Variants in SLC6A18 observed in about 807,000 individuals in gnomAD.
The protein encoded by SLC6A18 is solute carrier family 6 member 18, also known as inactive sodium-dependent neutral amino acid transporter B(0)AT3.
SLC6A18 carries 58 observed loss-of-function variants against 62.9 expected under a neutral mutation model. That is an observed-to-expected ratio of 0.92 (90% confidence interval 0.75 to 1.15). The LOEUF (loss-of-function observed/expected upper bound fraction) is 1.15. Ranked by LOEUF, SLC6A18 falls within the 50% of genes most tolerant of loss-of-function variation. SLC6A18 has a pLI of 0.00. For synonymous variants in SLC6A18, 382 were observed against 365.8 expected (o/e 1.04, Z -0.51); for missense variants, 793 against 836.6 (o/e 0.95, Z 0.64).
intron 3 of SLC6A18, among the ~76,000 whole-genome samples, chr5:1,235,216 C>A (rs1300625509): frequency 6.6e-6 from 1 of 152,204 alleles, no homozygotes; most frequent in East Asian, 1.9e-4. Flanking sequence ...GTGACAGTGA[C>A]GTCCAAGGGG....
Position 1,238,042 on chromosome 5 carries a change from C to G in SLC6A18, c.714C>G (p.Ile238Met), listed in dbSNP as rs1746930287. ...TGCCAGGGGCAACAAAAGGACTCATCTACTTGTTCACTCCCAACGTAAGTG... is the reference window on the plus strand; with the variant it reads ...TGCCAGGGGCAACAAAAGGACTCATGTACTTGTTCACTCCCAACGTAAGTG... ...LTLPGATKGL[I>M]YLFTPNMHIL... Residue 238 changes from isoleucine to methionine, a missense_variant, in exon 5 of 12, where the codon ATC (isoleucine) becomes ATG (methionine). By Grantham distance (10) the Ile-to-Met change is conservative (BLOSUM62 1). Coordinates refer to ENST00000324642, the MANE Select transcript of SLC6A18 (RefSeq NM_182632.3). 6.2e-7 allele frequency: 1 copy of G among 1,613,936 alleles called. No individual in the cohort carries two copies. The highest frequency in any genetic ancestry group is 1.3e-5 in the African/African-American group (1 of 74,946).
chr5:1,233,867 A>G (rs192530893), intron 3 of SLC6A18, among the ~76,000 whole-genome samples: 9,520 of 151,578 alleles, frequency 0.063, 391 homozygotes, highest in South Asian at 0.1. Flanking sequence ...TCAGCCTCCC[A>G]AATAGCTAGG....
intron 5 of SLC6A18, 43 bp downstream of exon 5, chr5:1,238,103 C>T (rs755474675): frequency 6.8e-7 from 1 of 1,461,406 alleles, no homozygotes; most frequent in Admixed American, 1.7e-5. Context: ...CCAGCACACA[C>T]ATTTCAGGGC....
intron 4 of SLC6A18, among the ~76,000 whole-genome samples, 166 bp from the exon 5 acceptor site, chr5:1,237,784 C>A (rs1250911850): frequency 6.6e-6 from 1 of 152,164 alleles, no homozygotes; most frequent in African/African-American, 2.4e-5. Context: ...CCTGAGCCTG[C>A]ACCCCACCAT....
chr5:1,243,834 C>A lies in SLC6A18; in HGVS notation c.1336+75C>A. On this transcript the variant is annotated intron_variant, in intron 9 of 11. Transcript: ENST00000324642. This position sits in a 1 kb window ranked among gnomAD's most constrained non-coding sequence, Gnocchi z 6.5. ...TGTCCACTCCCGCCCGCTGTCCAGACGCCCCTCCTGGATGGAGAGCGCAAG... is the reference window on the plus strand; with the variant it reads ...TGTCCACTCCCGCCCGCTGTCCAGAAGCCCCTCCTGGATGGAGAGCGCAAG... 1 of 1,390,094 alleles carries A rather than the reference C, an allele frequency of 7.2e-7. No individual in the cohort carries two copies. The highest frequency in any genetic ancestry group is 9.7e-7 in the Non-Finnish European group (1 of 1,032,700). The allele number at this position is 1,390,094 out of a possible 1,614,324, so 86.1% of individuals were successfully genotyped here. A position where few individuals can be genotyped will look rare whatever the true frequency, so the allele number is the denominator to read the frequency against.
chr5:1,245,585 C>T (rs1183024678), intron 11 of SLC6A18, among the ~76,000 whole-genome samples: 1 of 152,220 alleles, frequency 6.6e-6, no homozygotes, highest in African/African-American at 2.4e-5. Context: ...CATGTAGCCC[C>T]TCTGGTTCCA....
chr5:1,232,941 G>C (rs1746772895), intron 3 of SLC6A18, 53 bp downstream of exon 3: 10 of 1,551,554 alleles, frequency 6.4e-6, no homozygotes, highest in Admixed American at 1.9e-5. Flanking sequence ...AGAGAGGCAT[G>C]TGCTGCAGCG....
At chr5:1,227,808 A>C (rs138021984) in intron 1 of SLC6A18, among the ~76,000 whole-genome samples, 27 of 152,316 alleles carry the variant, frequency 1.8e-4, no homozygotes, top group African/African-American at 6.3e-4. Context: ...AAATCAAAGG[A>C]ACGTAGACTC....
chr5:1,232,752 G>T lies in SLC6A18; in HGVS notation c.303G>T (p.Gly101=), dbSNP rs759291311. 2 of 1,612,330 alleles carry T rather than the reference G, an allele frequency of 1.2e-6. No individual in the cohort carries two copies. The highest frequency in any genetic ancestry group is 1.7e-6 in the Non-Finnish European group (2 of 1,179,316). The part of the protein sequence containing the change: ...TAISPYLSGV[G]LGCVTLSFLI... ...ACCTGACATGGTCCCTGTCCACAGGGCTGGGCTGTGTCACGCTGTCCTTCC... is the reference window on the plus strand; with the variant it reads ...ACCTGACATGGTCCCTGTCCACAGGTCTGGGCTGTGTCACGCTGTCCTTCC... Residue 101 remains glycine (G), a splice_region_variant and synonymous_variant, in exon 3 of 12, where the codon GGG becomes GGT. Transcript: ENST00000324642.
At chr5:1,245,777 T>C (rs1747200262) in intron 11 of SLC6A18, 71 bp from the exon 12 acceptor site, 15 of 1,465,550 alleles carry the variant, frequency 1.0e-5, no homozygotes, top group South Asian at 7.9e-5. Context: ...GCCCCTTGGA[T>C]TGAGGAGCAC....
rs1213224420 is a variant in SLC6A18 at position 1,241,841 on chromosome 5, G to A, written c.975-866G>A. Among the ~76,000 whole-genome samples, 1 of 152,246 alleles carries A rather than the reference G, an allele frequency of 6.6e-6. No individual in the cohort carries two copies. The highest frequency in any genetic ancestry group is 1.5e-5 in the Non-Finnish European group (1 of 68,038). On this transcript the variant is annotated intron_variant, in intron 7 of 11. Transcript: ENST00000324642. This position sits in a 1 kb window ranked among gnomAD's most constrained non-coding sequence, Gnocchi z 7.8. ...GGTTACAAGCACATCTCAATGAGCA[G>A]GCGGATAAGGACCAGCCGTGCGCAC...
At chr5:1,238,379 G>A (rs1456992628) in intron 5 of SLC6A18, among the ~76,000 whole-genome samples, 2 of 37,010 alleles carry the variant, frequency 5.4e-5, no homozygotes, top group African/African-American at 4.1e-4. Flanking sequence ...GTGGGCCTGG[G>A]GCCTCAGGAA....
chr5:1,232,244 CG>C lies in SLC6A18; in HGVS notation c.187del (p.Ala63ArgfsTer38). 1 of 1,612,862 alleles carries C rather than the reference CG, an allele frequency of 6.2e-7. No individual in the cohort carries two copies. Among genetic ancestry groups the C allele is most frequent in the Non-Finnish European group, 8.5e-7 (1 of 1,179,810 alleles). On this transcript the variant is annotated frameshift_variant, in exon 2 of 12. Transcript: ENST00000324642. LOFTEE classifies it high-confidence loss of function. Reference protein sequence around the residue: ...GGAFLIPYVIALVFEGIPIFH... With the variant: ...GGAFLIPYVIXLVFEGIPIFH... ...GGGCCTTCCTCATCCCCTACGTCAT[CG>C]CGCTGGTCTTCGAGGGGATCCCCAT... is the stretch of plus-strand genomic sequence containing the variant.
chr5:1,240,416 G>A, intron 6 of SLC6A18, 115 bp from the exon 7 acceptor site: 1 of 1,485,896 alleles, frequency 6.7e-7, no homozygotes, highest in African/African-American at 1.4e-5. Context: ...GTCAGAGAAG[G>A]GGCATCCCAG....
rs1019268572 is a variant in SLC6A18, at chr5:1,232,691, T to C, written c.302-60T>C. 22 of 1,547,608 alleles carry C rather than the reference T, an allele frequency of 1.4e-5. No individual in the cohort carries two copies. In the African/African-American group the frequency reaches 1.9e-4, roughly 13 times the overall value. The stretch of plus-strand genomic sequence containing the variant: ...GTTATTTTGTTTTATTCTCACTGCT[T>C]CTGGGCAGAGGGAGCTGGGAAGGAG... On this transcript the variant is annotated intron_variant, in intron 2 of 11. Transcript: ENST00000324642.
rs201446388 is a variant in SLC6A18 at position 1,243,701 on chromosome 5, C to T, written c.1278C>T (p.Ile426=). Residue 426 remains isoleucine (I), a synonymous_variant, in exon 9 of 12, where the codon ATC becomes ATT. Transcript: ENST00000324642. This position sits in a 1 kb window ranked among gnomAD's most constrained non-coding sequence, Gnocchi z 6.5. ...STMFGTVEAV[I]TPLLDVGVLP... ...TGTTCGGGACCGTGGAGGCGGTCATCACACCCCTGCTGGACGTGGGGGTCC... is the reference window on the plus strand; with the variant it reads ...TGTTCGGGACCGTGGAGGCGGTCATTACACCCCTGCTGGACGTGGGGGTCC... The T allele has an allele frequency of 1.1e-5, 18 of 1,613,748 alleles. No homozygotes were observed. Among genetic ancestry groups the T allele is most frequent in the Non-Finnish European group, 1.5e-5 (18 of 1,179,936 alleles).
Position 1,235,682 on chromosome 5 carries a change from G to C in SLC6A18, c.621+20G>C. On this transcript the variant is annotated intron_variant, in intron 4 of 11. Transcript: ENST00000324642. ...GGGAAGGTGAGAGCTGGCAGGGCCT[G>C]ATCCCCTCTCTTGCTTCCTCCAGCC... The C allele has an allele frequency of 1.9e-6, 3 of 1,613,176 alleles. No individual in the cohort carries two copies. The highest frequency in any genetic ancestry group is 2.5e-6 in the Non-Finnish European group (3 of 1,179,624).
chr5:1,230,837 A>T (rs746998374), intron 1 of SLC6A18, among the ~76,000 whole-genome samples: 1 of 152,178 alleles, frequency 6.6e-6, no homozygotes, highest in African/African-American at 2.4e-5. Context: ...GCACCTGTGC[A>T]TGCAGGTGGG....
chr5:1,227,563 G>T (rs1326571588), intron 1 of SLC6A18, among the ~76,000 whole-genome samples: 6 of 152,252 alleles, frequency 3.9e-5, no homozygotes, highest in Admixed American at 6.5e-5. Flanking sequence ...ATATAATTAA[G>T]AAGCAGGTAC....
Sources: allele counts gnomAD v4.1 joint callset (sites outside exome capture counted in the v4.1 genomes callset), GRCh38; gene constraint gnomAD v4.1.1; non-coding constraint Gnocchi (gnomAD v3.1); transcripts MANE v1.5; gene names NCBI Gene and HGNC (gene_info 2026-07-23, HGNC 2026-07-21).